PTPRE: variants seen among roughly 807,000 people sequenced by gnomAD.
PTPRE encodes the protein receptor-type tyrosine-protein phosphatase epsilon.
In PTPRE, 51 loss-of-function variants were observed where a neutral mutation model predicts 102.0. The observed-to-expected ratio is 0.50, with a 90% confidence interval of 0.40 to 0.63. The LOEUF (loss-of-function observed/expected upper bound fraction) is 0.63. PTPRE is among the 30% of genes least tolerant of loss of function. PTPRE has a pLI of 0.00. For missense variants in PTPRE, 752 were observed against 915.1 expected (o/e 0.82, Z 2.30); for synonymous variants, 345 against 348.2 (o/e 0.99, Z 0.10).
At chr10:128,030,093 C>T (rs964283604) in intron 2 of PTPRE, among the ~76,000 whole-genome samples, 1 of 152,220 alleles carries the variant, frequency 6.6e-6, no homozygotes, top group African/African-American at 2.4e-5. Context: ...GGCAGAGGCT[C>T]CCCATGTGGG....
intron 1 of PTPRE, among the ~76,000 whole-genome samples, chr10:127,951,208 A>G (rs1848997047): frequency 6.6e-6 from 1 of 152,218 alleles, no homozygotes; most frequent in Non-Finnish European, 1.5e-5. Flanking sequence ...AAAAACTGAG[A>G]GTCGTGGCTC....
chr10:128,070,470 C>T lies in PTPRE; in HGVS notation c.1293+20C>T, dbSNP rs745940829. 3 of 1,608,280 alleles carry T rather than the reference C, an allele frequency of 1.9e-6. No individual in the cohort carries two copies. The highest frequency in any genetic ancestry group is 2.2e-5 in the East Asian group (1 of 44,850). ...TTCAGGGTGAGTACAGCTGACCCTCCTCTCCATCCTGGTGTAAGCAGCCAA... is the reference window on the plus strand; with the variant it reads ...TTCAGGGTGAGTACAGCTGACCCTCTTCTCCATCCTGGTGTAAGCAGCCAA... On this transcript the variant is annotated intron_variant, in intron 14 of 20. Transcript: ENST00000254667. The surrounding 1 kb of genome is among the most constrained non-coding windows in gnomAD (Gnocchi z 4.8).
chr10:127,932,787 T>A (rs1441044729), intron 1 of PTPRE, among the ~76,000 whole-genome samples: 2 of 144,838 alleles, frequency 1.4e-5, no homozygotes, highest in East Asian at 4.2e-4. Flanking sequence ...CTTGACGAAG[T>A]TGACGGGCTG....
intron 2 of PTPRE, among the ~76,000 whole-genome samples, chr10:128,025,289 G>T (rs1846213760): frequency 1.3e-5 from 2 of 151,902 alleles, no homozygotes; most frequent in Admixed American, 1.3e-4. Context: ...TACTCTGCCA[G>T]CATCAGGGAA....
intron 2 of PTPRE, among the ~76,000 whole-genome samples, chr10:127,986,261 A>G (rs1242365764): frequency 6.6e-6 from 1 of 152,212 alleles, no homozygotes; most frequent in Non-Finnish European, 1.5e-5. Flanking sequence ...CGTATCAGTG[A>G]TCCAATATGA....
intron 1 of PTPRE, among the ~76,000 whole-genome samples, chr10:127,942,115 G>A (rs1444580738): frequency 1.3e-5 from 2 of 152,150 alleles, no homozygotes; most frequent in African/African-American, 4.8e-5. Flanking sequence ...CATTTCGAGT[G>A]TCACTTGCCA....
At chr10:128,010,750 C>T (rs1050096103) in intron 2 of PTPRE, among the ~76,000 whole-genome samples, 1 of 152,044 alleles carries the variant, frequency 6.6e-6, no homozygotes, top group African/African-American at 2.4e-5. Context: ...CGCGGACACG[C>T]CCGGCTAATT....
Position 127,973,285 on chromosome 10 carries a change from A to G in PTPRE, c.-30-8989A>G, listed in dbSNP as rs1235483310. On this transcript the variant is annotated intron_variant, in intron 1 of 20. Transcript: ENST00000254667. ...CTAGACACATTTCTGTTAGGAGCAC[A>G]GTGATTTGTGAATTCCCTGACAGCT... Among the ~76,000 whole-genome samples the G allele has an allele frequency of 3.9e-5, 6 of 152,342 alleles. No individual in the cohort carries two copies. In the East Asian group the frequency reaches 7.7e-4, roughly 20 times the overall value.
At chr10:127,971,813 G>A (rs1850765584) in intron 1 of PTPRE, among the ~76,000 whole-genome samples, 1 of 152,250 alleles carries the variant, frequency 6.6e-6, no homozygotes, top group Non-Finnish European at 1.5e-5. Flanking sequence ...CCGGTCAGAT[G>A]TTCCTGCTGG....
At chr10:128,031,473 C>T (rs1006545010) in intron 2 of PTPRE, among the ~76,000 whole-genome samples, 6 of 152,342 alleles carry the variant, frequency 3.9e-5, no homozygotes, top group East Asian at 1.9e-4. Flanking sequence ...GCCCCAAGGG[C>T]GGATGGGTGG....
intron 2 of PTPRE, among the ~76,000 whole-genome samples, chr10:128,024,024 A>T (rs1483413070): frequency 6.6e-6 from 1 of 152,242 alleles, no homozygotes; most frequent in Admixed American, 6.5e-5. Flanking sequence ...TACTACAAGG[A>T]TGGGAAAAAT....
At chr10:128,063,528 G>A (rs7079639) in intron 10 of PTPRE, among the ~76,000 whole-genome samples, 119,148 of 152,202 alleles carry the variant, frequency 0.78, 47,074 homozygotes, top group African/African-American at 0.88. Flanking sequence ...CAGAGCTCAG[G>A]CTAGAAATGA....
chr10:127,923,400 T>A, intron 1 of PTPRE, among the ~76,000 whole-genome samples: 1 of 140,076 alleles, frequency 7.1e-6, no homozygotes, highest in African/African-American at 2.6e-5. Context: ...CAGTTTGAAT[T>A]TTTTTTTTTT....
chr10:128,072,043 A>C (rs1850816645), intron 15 of PTPRE, 95 bp from the exon 16 acceptor site: 6 of 916,138 alleles, frequency 6.5e-6, no homozygotes, highest in Non-Finnish European at 1.0e-5. Flanking sequence ...TGATTTTATT[A>C]ATAGGATCTA....
intron 2 of PTPRE, among the ~76,000 whole-genome samples, chr10:128,019,244 GC>G (rs1845670549): frequency 6.6e-6 from 1 of 152,224 alleles, no homozygotes. Flanking sequence ...CCATTGCTTG[GC>G]CTTTCTGAGC....
In PTPRE at chr10:128,066,091, A is replaced by G. The variant is rs777663365; in HGVS notation, c.740A>G (p.Tyr247Cys). ...KERKEEKCHQ[Y>C]WPDQGCWTYG... ...TCCGTGCAGGAAAAGTGCCATCAGT[A>G]CTGGCCCGACCAAGGCTGCTGGACC... The change falls in exon 11 of 21, where the codon TAC becomes TGC. Residue 247 changes from tyrosine to cysteine, a missense_variant. Around this residue, in one of 2 missense-constraint regions of PTPRE, gnomAD observed 636 missense variants for 824.4 expected, o/e 0.77. Transcript: ENST00000254667. The G allele has an allele frequency of 1.2e-6, 2 of 1,614,080 alleles. No homozygotes were observed. Among genetic ancestry groups the G allele is most frequent in the African/African-American group, 2.7e-5 (2 of 74,924 alleles).
intron 10 of PTPRE, 102 bp downstream of exon 10, chr10:128,063,282 C>A: frequency 6.6e-7 from 1 of 1,512,110 alleles, no homozygotes; most frequent in Non-Finnish European, 8.9e-7. Context: ...CTCCCTTCCT[C>A]CCACTATCAC....
At chr10:127,985,360 A>G (rs1223179541) in intron 2 of PTPRE, among the ~76,000 whole-genome samples, 1 of 152,256 alleles carries the variant, frequency 6.6e-6, no homozygotes, top group Non-Finnish European at 1.5e-5. Flanking sequence ...AGGCAGGTGG[A>G]TCATTTGAGA....
intron 2 of PTPRE, among the ~76,000 whole-genome samples, chr10:127,993,717 GA>G (rs1852934989): frequency 6.6e-6 from 1 of 151,912 alleles, no homozygotes; most frequent in African/African-American, 2.4e-5. Flanking sequence ...CAAAAGGCAG[GA>G]AAAAAAGCTT....
Sources: gnomAD v4.1 joint callset for allele counts (sites outside exome capture counted in the v4.1 genomes callset) on GRCh38, gnomAD v4.1.1 for gene constraint, gnomAD v4.1.1 regional missense constraint, Gnocchi (gnomAD v3.1) non-coding constraint, MANE v1.5 for transcripts, NCBI Gene and HGNC (gene_info 2026-07-23, HGNC 2026-07-21) for gene names.